The following SYTL3 variants were observed in gnomAD, a reference collection of about 807,000 sequenced individuals.
SYTL3 encodes the protein synaptotagmin-like protein 3.
A neutral mutation model predicts 82.1 loss-of-function variants in SYTL3; 88 were observed. That is an observed-to-expected ratio of 1.07 (90% CI 0.90 to 1.28). The LOEUF (loss-of-function observed/expected upper bound fraction) is 1.28. SYTL3 is among the 50% of genes most tolerant of loss of function. The pLI is 0.00. For synonymous variants in SYTL3, 311 were observed against 289.4 expected (o/e 1.07, Z -0.76); for missense variants, 831 against 757.6 (o/e 1.10, Z -1.14).
At chr6:158,748,051 C>G (rs1415110637) in intron 12 of SYTL3, among the ~76,000 whole-genome samples, 7 of 149,276 alleles carry the variant, frequency 4.7e-5, no homozygotes, top group Non-Finnish European at 8.9e-5. Flanking sequence ...GGTTTAAATA[C>G]GTTCTCTGGT....
At chr6:158,680,677 G>A (rs962699095) in intron 5 of SYTL3, among the ~76,000 whole-genome samples, 7 of 151,850 alleles carry the variant, frequency 4.6e-5, no homozygotes, top group South Asian at 2.1e-4. Flanking sequence ...GCTTGAGCCC[G>A]GGAGGCAGGG....
At position 158,753,762 on chromosome 6, in the gene SYTL3, G is replaced by A. The variant is rs956357603; in HGVS notation, c.1137+1732G>A. 2.0e-5 allele frequency among the ~76,000 whole-genome samples: 3 copies of A among 149,780 alleles called. No homozygotes were observed. The East Asian group carries it at 5.9e-4, about 29-fold the overall frequency. On this transcript the variant is annotated intron_variant, in intron 13 of 17. Transcript: ENST00000611299. ...AAAAAAAAAATGTAGTTATATAATT[G>A]GAGTTAAAAGGTTACCTACCTTAAA...
intron 5 of SYTL3, among the ~76,000 whole-genome samples, chr6:158,666,647 C>G (rs1282586270): frequency 2.0e-5 from 3 of 152,214 alleles, no homozygotes; most frequent in Admixed American, 2.0e-4. Flanking sequence ...AATATTGCCA[C>G]AGATGTGTGA....
chr6:158,661,090 C>A (rs1372810957), intron 2 of SYTL3, among the ~76,000 whole-genome samples, 179 bp from the exon 3 acceptor site: 1 of 152,126 alleles, frequency 6.6e-6, no homozygotes, highest in African/African-American at 2.4e-5. Context: ...ATTAGACAAA[C>A]CAGATGGCTC....
chr6:158,734,010 G>A (rs1376424526), intron 11 of SYTL3, among the ~76,000 whole-genome samples: 2 of 150,314 alleles, frequency 1.3e-5, no homozygotes. Context: ...AGGCAGAATG[G>A]CGTGAACCTG....
At chr6:158,656,066 C>G (rs764699795) in intron 2 of SYTL3, among the ~76,000 whole-genome samples, 68 of 152,218 alleles carry the variant, frequency 4.5e-4, no homozygotes, top group Non-Finnish European at 5.6e-4. Context: ...GACTGGGATG[C>G]CTGTGCTTTA....
chr6:158,665,712 C>T (rs1364543266), intron 5 of SYTL3, 99 bp downstream of exon 5: 3 of 868,106 alleles, frequency 3.5e-6, no homozygotes, highest in South Asian at 1.8e-5. Context: ...TCCTCACCTT[C>T]AGCCAGTAAA....
At position 158,764,785 on chromosome 6, in the gene SYTL3, AATTAT is replaced by A; in HGVS notation, c.*182_*186del. 1 of 519,274 alleles carries A rather than the reference AATTAT, an allele frequency of 1.9e-6. No individual in the cohort carries two copies. Among genetic ancestry groups the A allele is most frequent in the Non-Finnish European group, 3.4e-6 (1 of 290,530 alleles). 32.2% of individuals were successfully genotyped at this position (519,274 alleles called of 1,614,324 possible). A position where few individuals can be genotyped will look rare whatever the true frequency, so the allele number is the denominator to read the frequency against. On this transcript the variant is annotated 3_prime_UTR_variant, in exon 18 of 18. Coordinates refer to ENST00000611299, the MANE Select transcript of SYTL3 (RefSeq NM_001242394.2). Reference sequence around the variant, plus strand: ...ATCTGTGTATATTTACGTTAAACACAATTATGTTACCTAAGCCTCTGGTGGGTTAT... The same window carrying A: ...ATCTGTGTATATTTACGTTAAACACAGTTACCTAAGCCTCTGGTGGGTTAT...
upstream of SYTL3, among the ~76,000 whole-genome samples, chr6:158,645,202 C>G (rs1787359131): frequency 6.6e-6 from 1 of 152,046 alleles, no homozygotes. Context: ...GCTATCTGAA[C>G]GAAACTTCCC....
intron 6 of SYTL3, among the ~76,000 whole-genome samples, chr6:158,699,958 T>TAATAA (rs71030192): frequency 0.57 from 85,934 of 150,268 alleles, 25,186 homozygotes; most frequent in African/African-American, 0.67. Context: ...AAAAAAAGAA[T>TAATAA]AATAAAAAAT....
chr6:158,715,613 A>ACACACACACACACACACACACACGCACG (rs1291340388), intron 9 of SYTL3, among the ~76,000 whole-genome samples: 11 of 141,910 alleles, frequency 7.8e-5, no homozygotes, highest in African/African-American at 3.0e-4. Flanking sequence ...ACACACACAC[A>ACACACACACACACACACACACACGCACG]CACGCACGCA....
At chr6:158,655,973 T>G (rs1788625457) in intron 2 of SYTL3, among the ~76,000 whole-genome samples, 1 of 152,184 alleles carries the variant, frequency 6.6e-6, no homozygotes, top group Non-Finnish European at 1.5e-5. Context: ...GGGAATGGTC[T>G]TGAATGAGGT....
intron 9 of SYTL3, among the ~76,000 whole-genome samples, chr6:158,714,283 C>T (rs568329995): frequency 2.6e-5 from 4 of 151,418 alleles, no homozygotes; most frequent in South Asian, 2.1e-4. Flanking sequence ...ACCCAGGAGG[C>T]GGAGGTTGCA....
At chr6:158,733,444 A>T (rs570894184) in intron 11 of SYTL3, among the ~76,000 whole-genome samples, 10 of 152,108 alleles carry the variant, frequency 6.6e-5, no homozygotes, top group Admixed American at 3.9e-4. Context: ...CTTCTGCCTC[A>T]GCCTCCCTAG....
chr6:158,729,566 C>CTT (rs34172320), intron 11 of SYTL3, among the ~76,000 whole-genome samples: 65 of 132,878 alleles, frequency 4.9e-4, no homozygotes, highest in African/African-American at 1.4e-3. Flanking sequence ...CTTTCTTTTT[C>CTT]TTTTTTTTTT....
intron 14 of SYTL3, among the ~76,000 whole-genome samples, chr6:158,758,922 T>C (rs1414258839): frequency 6.6e-6 from 1 of 152,216 alleles, no homozygotes; most frequent in Non-Finnish European, 1.5e-5. Flanking sequence ...CCCAGCCACG[T>C]TGCGGGTGGG....
In SYTL3 at chr6:158,743,007, C is replaced by A. The variant is rs1434152519; in HGVS notation, c.856-2473C>A. Among the ~76,000 whole-genome samples, 3 of 152,338 alleles carry A rather than the reference C, an allele frequency of 2.0e-5. No individual in the cohort carries two copies. The East Asian group carries it at 5.8e-4, about 29-fold the overall frequency. On this transcript the variant is annotated intron_variant, in intron 11 of 17. Coordinates refer to ENST00000611299, the MANE Select transcript of SYTL3 (RefSeq NM_001242394.2). ...TTGCCCTGTCTCTGGGACCTTAGCTCCTCAGGTTCCCCATGACTTCGTAGC... is the reference window on the plus strand; with the variant it reads ...TTGCCCTGTCTCTGGGACCTTAGCTACTCAGGTTCCCCATGACTTCGTAGC...
At chr6:158,675,967 A>G (rs1235899651) in intron 5 of SYTL3, among the ~76,000 whole-genome samples, 5 of 152,134 alleles carry the variant, frequency 3.3e-5, no homozygotes, top group Non-Finnish European at 7.3e-5. Context: ...GGAAGAATCA[A>G]TATTGTGAAA....
intron 17 of SYTL3, 98 bp from the exon 18 acceptor site, chr6:158,764,397 G>A (rs1294132293): frequency 8.1e-6 from 7 of 863,634 alleles, no homozygotes; most frequent in African/African-American, 3.3e-5. Context: ...GTGGACTTGA[G>A]GTGAAAAACT....
Sources: allele counts gnomAD v4.1 joint callset (sites outside exome capture counted in the v4.1 genomes callset), GRCh38; gene constraint gnomAD v4.1.1; transcripts MANE v1.5; gene names NCBI Gene and HGNC (gene_info 2026-07-23, HGNC 2026-07-21).